The following ISLR2 variants were observed in gnomAD, a reference collection of about 807,000 sequenced individuals.
ISLR2 encodes the protein immunoglobulin superfamily containing leucine rich repeat 2, also known as immunoglobulin superfamily containing leucine-rich repeat protein 2.
Under a neutral mutation model 25.5 loss-of-function variants are expected in ISLR2, and 16 were observed. That is an observed-to-expected ratio of 0.63 (90% CI 0.43 to 0.95). The LOEUF (loss-of-function observed/expected upper bound fraction) is 0.95, where lower values mean the gene tolerates loss of function less well. ISLR2 is among the 40% of genes least tolerant of loss of function. The pLI, the probability that ISLR2 is intolerant of heterozygous loss-of-function variation, is 0.00. For missense variants in ISLR2, 883 were observed against 1,030.7 expected (o/e 0.86, Z 1.96); for synonymous variants, 508 against 486.6 (o/e 1.04, Z -0.58).
Position 74,133,998 on chromosome 15 carries a change from G to T in ISLR2, c.1244G>T (p.Gly415Val), listed in dbSNP as rs763569640. The T allele has an allele frequency of 6.2e-7, 1 of 1,612,432 alleles. No individual in the cohort carries two copies. Among genetic ancestry groups the T allele is most frequent in the African/African-American group, 1.3e-5 (1 of 75,028 alleles). Residue 415 changes from glycine (G) to valine (V), a missense_variant, in exon 3 of 3, where the codon GGC (glycine) becomes GTC (valine). Gly to Val is a moderately radical substitution (Grantham distance 109). This residue lies in a region of ISLR2 where 612 missense variants were observed against 642.8 expected (regional missense o/e 0.95). Coordinates refer to ENST00000453268, the MANE Select transcript of ISLR2 (RefSeq NM_020851.3). ...AGCGTCCTGCCTTCCAAACCCGAGG[G>T]CAAAATCAAAGGCCAAGGCCTGGCC... ...GNSVLPSKPE[G>V]KIKGQGLAKV...
At chr15:74,115,259 A>C (rs1211112844) in intron 2 of ISLR2, among the ~76,000 whole-genome samples, 1 of 152,260 alleles carries the variant, frequency 6.6e-6, no homozygotes, top group Non-Finnish European at 1.5e-5. Context: ...CTGTCCTAAC[A>C]AAGATTGAAA....
At chr15:74,116,960 G>A (rs918841432) in intron 2 of ISLR2, among the ~76,000 whole-genome samples, 2 of 152,176 alleles carry the variant, frequency 1.3e-5, no homozygotes, top group African/African-American at 4.8e-5. Flanking sequence ...CATATCAATT[G>A]CATATTTAGG....
Position 74,134,710 on chromosome 15 carries a change from C to T in ISLR2, c.1956C>T (p.Leu652=). The change falls in exon 3 of 3, where the codon CTC becomes CTT. Residue 652 remains leucine, a synonymous_variant. Transcript: ENST00000453268. ...AADFDPRASY[L]ESEKSYPAGG... ...ACTTCGACCCGCGTGCTTCGTACCT[C>T]GAGTCCGAGAAAAGCTACCCGGCAG... 1.9e-6 allele frequency: 3 copies of T among 1,614,114 alleles called. No homozygotes were observed. The highest frequency in any genetic ancestry group is 2.2e-5 in the East Asian group (1 of 44,862).
At chr15:74,113,106 C>G (rs1159180065) in intron 2 of ISLR2, among the ~76,000 whole-genome samples, 2 of 152,200 alleles carry the variant, frequency 1.3e-5, no homozygotes, top group African/African-American at 4.8e-5. Flanking sequence ...GAGTGTGAAA[C>G]CTAGATTCCT....
intron 2 of ISLR2, among the ~76,000 whole-genome samples, chr15:74,110,656 TAAA>T (rs753865797): frequency 1.8e-5 from 2 of 111,254 alleles, no homozygotes; most frequent in African/African-American, 3.3e-5. Context: ...TGTCTCTACT[TAAA>T]AAAAAAAAAA....
At chr15:74,139,095 C>T (rs1231481121), downstream of ISLR2, among the ~76,000 whole-genome samples, 2 of 152,220 alleles carry the variant, frequency 1.3e-5, no homozygotes, top group Non-Finnish European at 2.9e-5. Flanking sequence ...GAGGTGAAAG[C>T]TCTGCCCCTC....
intron 2 of ISLR2, among the ~76,000 whole-genome samples, chr15:74,119,792 A>C (rs2072238534): frequency 1.3e-5 from 2 of 152,228 alleles, no homozygotes; most frequent in Non-Finnish European, 2.9e-5. Flanking sequence ...AACAAAAAAC[A>C]ATTGCAAAAC....
rs1406941659 is a variant in ISLR2, at chr15:74,135,917, C to G, written c.*925C>G. On this transcript the variant is annotated 3_prime_UTR_variant, in exon 3 of 3. Coordinates refer to ENST00000453268, the MANE Select transcript of ISLR2 (RefSeq NM_020851.3). ...AAATCCTTCTGTCCTCCCACCCCCACCCCACTTCTGGCCAGTTGGAGTCCA... is the reference window on the plus strand; with the variant it reads ...AAATCCTTCTGTCCTCCCACCCCCAGCCCACTTCTGGCCAGTTGGAGTCCA... 6.0e-6 allele frequency: 1 copy of G among 167,026 alleles called. No individual in the cohort carries two copies. 10.3% of individuals were successfully genotyped at this position (167,026 alleles called of 1,614,324 possible). A position where few individuals can be genotyped will look rare whatever the true frequency, so the allele number is the denominator to read the frequency against.
upstream of ISLR2, among the ~76,000 whole-genome samples, chr15:74,125,273 T>A (rs1340296764): frequency 1.3e-5 from 2 of 152,214 alleles, no homozygotes; most frequent in African/African-American, 4.8e-5. Context: ...AGTCTCACTC[T>A]GTTGCCCAGG....
chr15:74,114,695 C>T (rs2072197519), intron 2 of ISLR2, among the ~76,000 whole-genome samples: 1 of 151,882 alleles, frequency 6.6e-6, no homozygotes, highest in African/African-American at 2.4e-5. Context: ...ACCAGATTTG[C>T]CTCCCACCTT....
chr15:74,110,688 G>GTC (rs1377885842), intron 2 of ISLR2, among the ~76,000 whole-genome samples: 1 of 150,752 alleles, frequency 6.6e-6, no homozygotes, highest in Admixed American at 6.6e-5. Context: ...TGGGCATGGT[G>GTC]TCTCTCACCT....
intron 2 of ISLR2, among the ~76,000 whole-genome samples, chr15:74,104,720 G>T (rs1375730440): frequency 6.6e-6 from 1 of 152,064 alleles, no homozygotes; most frequent in Non-Finnish European, 1.5e-5. Flanking sequence ...GCTATGGTGA[G>T]CTGTGATCAT....
At chr15:74,127,049 G>C (rs2072308041), upstream of ISLR2, 1 of 151,870 alleles carries the variant, frequency 6.6e-6, no homozygotes, top group South Asian at 2.1e-4. Flanking sequence ...GCCTTAACCG[G>C]CTGCTATGCT....
chr15:74,103,976 T>C (rs1331107557), intron 2 of ISLR2: 2 of 152,184 alleles, frequency 1.3e-5, no homozygotes, highest in East Asian at 3.8e-4. Flanking sequence ...CCTCTTTTCT[T>C]TATAAATTAC....
At chr15:74,104,331 T>A (rs1258853351) in intron 2 of ISLR2, among the ~76,000 whole-genome samples, 1 of 152,178 alleles carries the variant, frequency 6.6e-6, no homozygotes, top group Non-Finnish European at 1.5e-5. Context: ...AACAGAGAAC[T>A]GTCCAGCCCT....
At position 74,134,061 on chromosome 15, in the gene ISLR2, A is replaced by T. The variant is rs1317519580; in HGVS notation, c.1307A>T (p.Glu436Val). The T allele has an allele frequency of 6.2e-7, 1 of 1,613,682 alleles. No individual in the cohort carries two copies. The highest frequency in any genetic ancestry group is 1.1e-5 in the South Asian group (1 of 90,980). ...SILGETETEP[E>V]EDTSEGEEAE... ...CTCGGGGAGACCGAGACGGAGCCGG[A>T]GGAGGACACAAGTGAGGGAGAGGAG... Residue 436 changes from glutamate (E) to valine (V), a missense_variant, in exon 3 of 3, where the codon GAG (glutamate) becomes GTG (valine). Around this residue, in one of 2 missense-constraint regions of ISLR2, gnomAD observed 612 missense variants for 642.8 expected, o/e 0.95. Coordinates refer to ENST00000453268, the MANE Select transcript of ISLR2 (RefSeq NM_020851.3).
At position 74,132,809 on chromosome 15, in the gene ISLR2, T is replaced by G; in HGVS notation, c.55T>G (p.Ser19Ala). The G allele has an allele frequency of 6.2e-7, 1 of 1,614,094 alleles. No homozygotes were observed. ...CTGGGCGCTTCTAGGAGTGGCCGGA[T>G]CATGCCCGGAGCCGTGCGCCTGCGT... ...LVWALLGVAG[S>A]CPEPCACVDK... The change falls in exon 3 of 3, where the codon TCA (serine) becomes GCA (alanine). Residue 19 changes from serine to alanine, a missense_variant. Physicochemically the swap from Ser to Ala is moderately conservative, Grantham distance 99. This residue lies in a region of ISLR2 where 271 missense variants were observed against 387.9 expected (regional missense o/e 0.70). Coordinates refer to ENST00000453268, the MANE Select transcript of ISLR2 (RefSeq NM_020851.3). The surrounding 1 kb of genome is among the most constrained non-coding windows in gnomAD (Gnocchi z 4.3).
rs765372320 is a variant in ISLR2, at chr15:74,134,467, G to A, written c.1713G>A (p.Ala571=). 60 of 1,611,144 alleles carry A rather than the reference G, an allele frequency of 3.7e-5. No individual in the cohort carries two copies. Among genetic ancestry groups the A allele is most frequent in the Non-Finnish European group, 4.8e-5 (57 of 1,179,500 alleles). Residue 571 remains alanine (A), a synonymous_variant, in exon 3 of 3, where the codon GCG becomes GCA. Coordinates refer to ENST00000453268, the MANE Select transcript of ISLR2 (RefSeq NM_020851.3). ...ACTACTCCGTGTGCCTGGCGCTGGC[G>A]GGCGAAGCCTGCCACGTGCAAGTGG... ...GTNYSVCLAL[A]GEACHVQVVF...
In ISLR2 at chr15:74,133,054, G is replaced by A. The variant is rs1162058019; in HGVS notation, c.300G>A (p.Gln100=). The A allele has an allele frequency of 2.5e-6, 4 of 1,613,000 alleles. No individual in the cohort carries two copies. Among genetic ancestry groups the A allele is most frequent in the Admixed American group, 3.3e-5 (2 of 60,012 alleles). The change falls in exon 3 of 3, where the codon CAG becomes CAA. Residue 100 remains glutamine (Q), a synonymous_variant. Coordinates refer to ENST00000453268, the MANE Select transcript of ISLR2 (RefSeq NM_020851.3). ...VEPGALAVLS[Q]LKNLDLSHNF... ...CAGGCGCACTGGCCGTGCTGAGTCA[G>A]CTCAAGAACCTCGATCTGAGCCACA...
Sources: gnomAD v4.1 joint callset for allele counts (sites outside exome capture counted in the v4.1 genomes callset) on GRCh38, gnomAD v4.1.1 for gene constraint, gnomAD v4.1.1 regional missense constraint, Gnocchi (gnomAD v3.1) non-coding constraint, MANE v1.5 for transcripts, NCBI Gene and HGNC (gene_info 2026-07-23, HGNC 2026-07-21) for gene names.